Variants in REXO5 observed in about 807,000 individuals in gnomAD.
REXO5 encodes the protein RNA exonuclease 5.
REXO5 carries 48 observed loss-of-function variants against 88.5 expected under a neutral mutation model. The observed-to-expected ratio is 0.54, with a 90% CI of 0.43 to 0.69. The LOEUF is 0.69. Among genes scored for constraint, REXO5 ranks in the 30% least tolerant of loss-of-function variants. The pLI is 0.00. For synonymous variants in REXO5, 311 were observed against 336.5 expected, an observed-to-expected ratio of 0.92 and a Z score of 0.83; for missense variants, 749 against 912.2, an observed-to-expected ratio of 0.82 and a Z score of 2.30.
chr16:20,836,642 C>A (rs1033042221), intron 13 of REXO5, among the ~76,000 whole-genome samples: 3 of 152,122 alleles, frequency 2.0e-5, no homozygotes, highest in African/African-American at 7.2e-5. Context: ...TGGGCAAATA[C>A]CAAAGAGTAC....
chr16:20,833,417 G>A (rs2081377015), intron 13 of REXO5, among the ~76,000 whole-genome samples: 1 of 152,132 alleles, frequency 6.6e-6, no homozygotes, highest in Non-Finnish European at 1.5e-5. Context: ...TTTGAGCCTG[G>A]CTATATCCTT....
intron 13 of REXO5, among the ~76,000 whole-genome samples, chr16:20,833,984 T>A (rs2081386489): frequency 6.6e-6 from 1 of 152,228 alleles, no homozygotes; most frequent in South Asian, 2.1e-4. Context: ...TGTATTACAA[T>A]TACTTGTCAT....
At chr16:20,826,604 G>A (rs1246989603) in intron 8 of REXO5, among the ~76,000 whole-genome samples, 1 of 152,178 alleles carries the variant, frequency 6.6e-6, no homozygotes, top group Non-Finnish European at 1.5e-5. Flanking sequence ...GTATGCACAA[G>A]CATGTTTGTC....
Position 20,821,804 on chromosome 16 carries a change from A to T in REXO5, c.518A>T (p.Asp173Val). The change falls in exon 6 of 20, where the codon GAT becomes GTT. Residue 173 changes from aspartate to valine, a missense_variant. Coordinates refer to ENST00000261377, the MANE Select transcript of REXO5 (RefSeq NM_030941.3). ...SNAKAAINLQ[D>V]DPIIQKYGSK... Reference sequence around the variant, plus strand: ...GCAAAAGCCGCCATCAACCTTCAGGATGATCCCATCATTCAAAAGTATGGC... The same window carrying T: ...GCAAAAGCCGCCATCAACCTTCAGGTTGATCCCATCATTCAAAAGTATGGC... 6.2e-7 allele frequency: 1 copy of T among 1,606,968 alleles called. No homozygotes were observed. The highest frequency in any genetic ancestry group is 8.5e-7 in the Non-Finnish European group (1 of 1,178,148).
chr16:20,847,003 G>T (rs2081617109), intron 19 of REXO5, among the ~76,000 whole-genome samples: 3 of 151,570 alleles, frequency 2.0e-5, no homozygotes, highest in Admixed American at 1.3e-4. Context: ...TTTGGAATGA[G>T]TGAGTGGGCA....
intron 12 of REXO5, 75 bp downstream of exon 12, chr16:20,832,334 G>T: frequency 2.2e-6 from 2 of 902,514 alleles, no homozygotes; most frequent in Non-Finnish European, 3.4e-6. Context: ...ACCTGAGAAT[G>T]TTTTTATCCT....
intron 2 of REXO5, among the ~76,000 whole-genome samples, chr16:20,807,750 A>AT (rs397765677): frequency 6.7e-6 from 1 of 149,594 alleles, no homozygotes; most frequent in Non-Finnish European, 1.5e-5. Context: ...AAAAAAAAAA[A>AT]CAAAAAACAA....
chr16:20,830,451 C>T (rs543677160), intron 11 of REXO5, among the ~76,000 whole-genome samples: 1 of 152,160 alleles, frequency 6.6e-6, no homozygotes, highest in Non-Finnish European at 1.5e-5. Context: ...CCATCTCAGC[C>T]TCCCAAAGTG....
At chr16:20,847,236 CCT>C (rs2081620367) in intron 19 of REXO5, among the ~76,000 whole-genome samples, 1 of 145,018 alleles carries the variant, frequency 6.9e-6, no homozygotes, top group Non-Finnish European at 1.5e-5. Flanking sequence ...ATGACAAGAC[CCT>C]GTCTCTACCA....
At chr16:20,832,938 A>C in intron 12 of REXO5, 65 bp from the exon 13 acceptor site, 3 of 1,479,138 alleles carry the variant, frequency 2.0e-6, no homozygotes, top group Non-Finnish European at 2.8e-6. Flanking sequence ...ATGCAAGTAT[A>C]GAGAAATAAC....
At chr16:20,808,561 G>A (rs1286951233) in intron 2 of REXO5, among the ~76,000 whole-genome samples, 2 of 151,436 alleles carry the variant, frequency 1.3e-5, no homozygotes, top group Admixed American at 6.6e-5. Context: ...AGTGGGCAGA[G>A]ACAAATGATA....
chr16:20,843,910 G>T, intron 15 of REXO5, 24 bp from the exon 16 acceptor site: 1 of 1,531,648 alleles, frequency 6.5e-7, no homozygotes, highest in Non-Finnish European at 9.0e-7. Context: ...AAGCAATGAT[G>T]AGGAAATCTT....
upstream of REXO5, chr16:20,806,425 C>T (rs112979251): frequency 4.3e-4 from 665 of 1,553,154 alleles, 1 homozygote; most frequent in African/African-American, 7.4e-3. Context: ...GCCGCTTGGT[C>T]GCCATTCCCG....
intron 16 of REXO5, 43 bp downstream of exon 16, chr16:20,844,069 A>AC: frequency 8.4e-7 from 1 of 1,189,384 alleles, no homozygotes; most frequent in Non-Finnish European, 1.3e-6. Flanking sequence ...GGTCTGGCCT[A>AC]CCACAGCCTG....
intron 4 of REXO5, among the ~76,000 whole-genome samples, chr16:20,815,412 T>C (rs2081066172): frequency 6.6e-6 from 1 of 152,228 alleles, no homozygotes; most frequent in South Asian, 2.1e-4. Context: ...ATAGCAGTTG[T>C]CATCTTTAAA....
intron 3 of REXO5, among the ~76,000 whole-genome samples, 198 bp from the exon 4 acceptor site, chr16:20,814,729 A>T (rs954728611): frequency 3.3e-5 from 5 of 152,202 alleles, no homozygotes; most frequent in Non-Finnish European, 2.9e-5. Flanking sequence ...TACAACAAGT[A>T]TTTATCTCTA....
intron 14 of REXO5, 88 bp from the exon 15 acceptor site, chr16:20,840,243 T>G: frequency 8.5e-7 from 1 of 1,182,734 alleles, no homozygotes; most frequent in Non-Finnish European, 1.1e-6. Context: ...CAAAAAAATC[T>G]TTGGTGAATA....
chr16:20,846,374 GT>G (rs1389749068), intron 19 of REXO5, 35 bp downstream of exon 19: 1 of 1,508,254 alleles, frequency 6.6e-7, no homozygotes, highest in African/African-American at 1.4e-5. Flanking sequence ...TCAGGACTCT[GT>G]CCCCTGGATT....
intron 4 of REXO5, among the ~76,000 whole-genome samples, chr16:20,815,655 T>C (rs1006869768): frequency 6.6e-6 from 1 of 152,262 alleles, no homozygotes; most frequent in African/African-American, 2.4e-5. Context: ...ATAAAATAGA[T>C]ACTTTTTAAT....
Sources: allele counts gnomAD v4.1 joint callset (sites outside exome capture counted in the v4.1 genomes callset), GRCh38; gene constraint gnomAD v4.1.1; transcripts MANE v1.5; gene names NCBI Gene and HGNC (gene_info 2026-07-23, HGNC 2026-07-21).